PLSCR5: variants seen among roughly 807,000 people sequenced by gnomAD.
PLSCR5 encodes phospholipid scramblase family, member 5.
A neutral mutation model predicts 33.6 loss-of-function variants in PLSCR5; 44 were observed. That is an observed-to-expected ratio of 1.31 (90% CI 1.03 to 1.69). The LOEUF is 1.69. PLSCR5 is among the 40% of genes most tolerant of loss of function. The probability of loss-of-function intolerance (pLI) is 0.00; values close to 1 mark genes in which losing one functional copy is unlikely to be tolerated. For synonymous variants in PLSCR5, 148 were observed against 112.3 expected (o/e 1.32, Z -2.01); for missense variants, 375 against 318.7 (o/e 1.18, Z -1.34).
intron 5 of PLSCR5, among the ~76,000 whole-genome samples, chr3:146,590,995 T>C (rs1466909367): frequency 2.3e-4 from 17 of 75,532 alleles, no homozygotes; most frequent in Non-Finnish European, 4.5e-4. Context: ...AGGTTTTTTT[T>C]TGTTTTTTTT....
At chr3:146,585,222 T>C (rs1382872903), downstream of PLSCR5, among the ~76,000 whole-genome samples, 2 of 152,100 alleles carry the variant, frequency 1.3e-5, no homozygotes, top group Non-Finnish European at 2.9e-5. Flanking sequence ...ATTTATTTGG[T>C]TTCCTTTGCT....
chr3:146,603,670 T>A (rs2044838943), intron 1 of PLSCR5, among the ~76,000 whole-genome samples: 1 of 152,164 alleles, frequency 6.6e-6, no homozygotes, highest in Non-Finnish European at 1.5e-5. Flanking sequence ...AATTTCTATC[T>A]ACTCTTTTAA....
chr3:146,600,627 C>T (rs2044805281), intron 1 of PLSCR5, among the ~76,000 whole-genome samples, 164 bp from the exon 2 acceptor site: 1 of 151,890 alleles, frequency 6.6e-6, no homozygotes, highest in Admixed American at 6.6e-5. Context: ...TATTACTTGT[C>T]CCCTAAGTTA....
chr3:146,599,679 C>CTTT (rs34180865), intron 2 of PLSCR5, among the ~76,000 whole-genome samples: 54 of 139,218 alleles, frequency 3.9e-4, no homozygotes, highest in African/African-American at 1.4e-3. Context: ...CTTTTCTTTT[C>CTTT]TTTTTTTTTT....
chr3:146,595,354 A>C (rs919333344), intron 2 of PLSCR5, among the ~76,000 whole-genome samples: 1 of 152,212 alleles, frequency 6.6e-6, no homozygotes, highest in Middle Eastern at 3.2e-3. Flanking sequence ...GCAGTGGCTC[A>C]TGCCTATAAA....
At chr3:146,579,753 C>T (rs73867415) in intron 7 of PLSCR5, among the ~76,000 whole-genome samples, 4,611 of 152,228 alleles carry the variant, frequency 0.03, 248 homozygotes, top group African/African-American at 0.11. Context: ...ATACAAAGTA[C>T]GTAAATTCAG....
At chr3:146,596,382 G>C (rs2044761356) in intron 2 of PLSCR5, among the ~76,000 whole-genome samples, 1 of 152,006 alleles carries the variant, frequency 6.6e-6, no homozygotes, top group Non-Finnish European at 1.5e-5. Context: ...AGACACACAG[G>C]GTTTTGCCAT....
rs1422855019 is a variant in PLSCR5 at position 146,593,978 on chromosome 3, A to G, written c.395T>C (p.Ile132Thr). ...ACATCTCAAGGGCCTGTTCACTGTAATGACCTCTCGACCTGAGTTATCTGT... is the reference window on the plus strand; with the variant it reads ...ACATCTCAAGGGCCTGTTCACTGTAGTGACCTCTCGACCTGAGTTATCTGT... ...RITDNSGREV[I>T]TVNRPLRCNS... Residue 132 changes from isoleucine (I) to threonine (T), a missense_variant, in exon 4 of 8, where the codon ATT becomes ACT. Transcript: ENST00000443512. 6.2e-7 allele frequency: 1 copy of G among 1,613,850 alleles called. No individual in the cohort carries two copies. The highest frequency in any genetic ancestry group is 1.7e-5 in the Admixed American group (1 of 59,998).
intron 7 of PLSCR5, among the ~76,000 whole-genome samples, chr3:146,580,816 C>A (rs2044628831): frequency 1.3e-5 from 2 of 152,128 alleles, no homozygotes; most frequent in South Asian, 4.1e-4. Context: ...ATTCTTAAGT[C>A]ATGCTTTCTT....
chr3:146,593,575 G>T (rs1467681004), intron 4 of PLSCR5, among the ~76,000 whole-genome samples: 1 of 152,108 alleles, frequency 6.6e-6, no homozygotes, highest in Non-Finnish European at 1.5e-5. Context: ...CCTGGACTTT[G>T]CTCCAGTTGG....
intron 1 of PLSCR5, 92 bp downstream of exon 1, chr3:146,605,108 G>C: frequency 7.9e-7 from 1 of 1,267,898 alleles, no homozygotes; most frequent in Non-Finnish European, 1.1e-6. Context: ...AGCTTTTAAA[G>C]TACCAATCTA....
At chr3:146,598,247 T>G (rs1179120661) in intron 2 of PLSCR5, among the ~76,000 whole-genome samples, 1 of 152,164 alleles carries the variant, frequency 6.6e-6, no homozygotes, top group African/African-American at 2.4e-5. Flanking sequence ...AAATGTTCAT[T>G]ATTTTGTTTG....
At chr3:146,599,363 T>C (rs1385063556) in intron 2 of PLSCR5, among the ~76,000 whole-genome samples, 1 of 152,174 alleles carries the variant, frequency 6.6e-6, no homozygotes, top group African/African-American at 2.4e-5. Flanking sequence ...GTCCTCCTTT[T>C]GAGATTCAGT....
chr3:146,584,758 A>G (rs1335401942), downstream of PLSCR5, among the ~76,000 whole-genome samples: 2 of 152,272 alleles, frequency 1.3e-5, no homozygotes, highest in South Asian at 4.1e-4. Flanking sequence ...CTAGAACTAA[A>G]TTGATATTTG....
intron 1 of PLSCR5, among the ~76,000 whole-genome samples, chr3:146,603,223 C>T (rs73867430): frequency 0.024 from 3,681 of 152,124 alleles, 157 homozygotes; most frequent in African/African-American, 0.084. Flanking sequence ...TGGGAAAATG[C>T]TAATTGCCAA....
At chr3:146,603,801 T>A (rs1310907273) in intron 1 of PLSCR5, among the ~76,000 whole-genome samples, 1 of 152,092 alleles carries the variant, frequency 6.6e-6, no homozygotes, top group Non-Finnish European at 1.5e-5. Flanking sequence ...AATAGTAGTG[T>A]CAGTCTTAAA....
intron 2 of PLSCR5, among the ~76,000 whole-genome samples, chr3:146,599,708 C>A (rs1407072473): frequency 2.0e-5 from 3 of 148,650 alleles, no homozygotes; most frequent in Non-Finnish European, 4.4e-5. Context: ...AGGCAAGTCT[C>A]ACTCTGTCAC....
rs910662983 is a variant in PLSCR5, at chr3:146,589,675, A to G, written c.755T>C (p.Met252Thr). The change falls in exon 6 of 8, where the codon ATG becomes ACG. Residue 252 changes from methionine to threonine, a missense_variant. Physicochemically the swap from Met to Thr is moderately conservative, Grantham distance 81 (BLOSUM62 -1). Coordinates refer to ENST00000443512, the MANE Select transcript of PLSCR5 (RefSeq NM_001085420.2). ...ADLDVTVKAAMIGACFLFDFM... is the reference protein window; with the variant it reads ...ADLDVTVKAATIGACFLFDFM... ...TACAAAGAGAAAACAGGCACCGATCATTGCTGCTTTGACTGTTACATCTAG... is the reference window on the plus strand; with the variant it reads ...TACAAAGAGAAAACAGGCACCGATCGTTGCTGCTTTGACTGTTACATCTAG... 3.8e-6 allele frequency: 6 copies of G among 1,593,178 alleles called. No individual in the cohort carries two copies. In the South Asian group the frequency reaches 4.5e-5, roughly 12 times the overall value.
At chr3:146,595,202 A>G in intron 2 of PLSCR5, 119 bp from the exon 3 acceptor site, 1 of 481,242 alleles carries the variant, frequency 2.1e-6, no homozygotes, top group Non-Finnish European at 3.4e-6. Flanking sequence ...CATGCTTTCT[A>G]TTAGGAAAAC....
Sources: allele counts gnomAD v4.1 joint callset (sites outside exome capture counted in the v4.1 genomes callset), GRCh38; gene constraint gnomAD v4.1.1; transcripts MANE v1.5; gene names NCBI Gene and HGNC (gene_info 2026-07-23, HGNC 2026-07-21).